The following MYO7B variants were observed in gnomAD, a reference collection of about 807,000 sequenced individuals.
The protein encoded by MYO7B is unconventional myosin-VIIb.
A neutral mutation model predicts 259.7 loss-of-function variants in MYO7B; 212 were observed. That is an observed-to-expected ratio of 0.82 (90% CI 0.73 to 0.91). The LOEUF (loss-of-function observed/expected upper bound fraction) is 0.91. Among genes scored for constraint, MYO7B ranks in the 40% least tolerant of loss-of-function variants. The pLI is 0.00. For missense variants in MYO7B, 2,732 were observed against 2,813.5 expected (o/e 0.97, Z 0.66); for synonymous variants, 1,197 against 1,166.4 (o/e 1.03, Z -0.54).
In MYO7B at chr2:127,628,425, A is replaced by G; in HGVS notation, c.4514A>G (p.Glu1505Gly). The change falls in exon 34 of 48, where the codon GAG becomes GGG. Residue 1505 changes from glutamate (E) to glycine (G), a missense_variant. Physicochemically the swap from Glu to Gly is moderately conservative, Grantham distance 98. Coordinates refer to ENST00000409816, the MANE Select transcript of MYO7B (RefSeq NM_001393586.1). This position sits in a 1 kb window ranked among gnomAD's most constrained non-coding sequence, Gnocchi z 4.8. ...LLLSTMHEEY[E>G]FVSPSSVAIA... is the part of the protein sequence containing the mutation. ...CTCTCCACGATGCATGAGGAGTACG[A>G]GTTTGTGTCACCCAGCAGTGTGGCC... 1.3e-6 allele frequency: 2 copies of G among 1,597,508 alleles called. No homozygotes were observed. Among genetic ancestry groups the G allele is most frequent in the Non-Finnish European group, 1.7e-6 (2 of 1,173,808 alleles).
intron 1 of MYO7B, among the ~76,000 whole-genome samples, chr2:127,548,062 A>G (rs1429634147): frequency 4.6e-5 from 7 of 152,272 alleles, no homozygotes; most frequent in Non-Finnish European, 1.0e-4. Context: ...TTCATTTTTC[A>G]AGGAATTTGT....
chr2:127,568,618 C>T (rs965983210), intron 5 of MYO7B, among the ~76,000 whole-genome samples: 2 of 152,136 alleles, frequency 1.3e-5, no homozygotes, highest in African/African-American at 2.4e-5. Context: ...ATATTTTGGC[C>T]GGGTGCGGTA....
rs773897095 is a variant in MYO7B at position 127,633,294 on chromosome 2, G to A, written c.5442G>A (p.Glu1814=). 1.2e-6 allele frequency: 2 copies of A among 1,612,642 alleles called. No individual in the cohort carries two copies. The highest frequency in any genetic ancestry group is 8.5e-7 in the Non-Finnish European group (1 of 1,179,750). Residue 1814 remains glutamate, a synonymous_variant, in exon 40 of 48, where the codon GAG becomes GAA. Transcript: ENST00000409816. ...GPRKQPPHQV[E]VEAAEQNVSR... ...GGAAGCAGCCCCCGCACCAGGTGGAGGTGGAGGCCGCAGAGCAGAACGTCT... is the reference window on the plus strand; with the variant it reads ...GGAAGCAGCCCCCGCACCAGGTGGAAGTGGAGGCCGCAGAGCAGAACGTCT...
chr2:127,622,134 T>TGGGGTGGTGCAGACCCCC (rs1380289643), intron 28 of MYO7B, 33 bp downstream of exon 28: 1 of 1,538,220 alleles, frequency 6.5e-7, no homozygotes. Flanking sequence ...GCGGGCAGGG[T>TGGGGTGGTGCAGACCCCC]GGGGTGGTGC....
chr2:127,562,405 T>C (rs924487708), intron 2 of MYO7B, among the ~76,000 whole-genome samples: 1 of 151,724 alleles, frequency 6.6e-6, no homozygotes, highest in African/African-American at 2.4e-5. Context: ...CAAGCAATTA[T>C]CCTGCATCAG....
chr2:127,605,971 G>A (rs752835998), intron 20 of MYO7B, 43 bp downstream of exon 20: 1 of 1,509,070 alleles, frequency 6.6e-7, no homozygotes, highest in Non-Finnish European at 9.2e-7. Context: ...GGACCAGCGG[G>A]TAACTGTCCA....
At chr2:127,616,831 C>A (rs1680588426) in intron 26 of MYO7B, among the ~76,000 whole-genome samples, 1 of 152,138 alleles carries the variant, frequency 6.6e-6, no homozygotes, top group Non-Finnish European at 1.5e-5. Flanking sequence ...CAGGGGGGTG[C>A]CATTTTGATG....
chr2:127,631,117 C>G, intron 36 of MYO7B, 89 bp from the exon 37 acceptor site: 1 of 1,462,030 alleles, frequency 6.8e-7, no homozygotes, highest in Non-Finnish European at 9.1e-7. Context: ...TCTGGCCCTC[C>G]CACAGCCACT....
At chr2:127,601,727 G>A (rs923005785) in intron 19 of MYO7B, among the ~76,000 whole-genome samples, 14 of 151,842 alleles carry the variant, frequency 9.2e-5, no homozygotes, top group Non-Finnish European at 2.9e-5. Flanking sequence ...TATGTAATCG[G>A]GTCATGTTTT....
intron 40 of MYO7B, 122 bp downstream of exon 40, chr2:127,633,485 C>T: frequency 1.1e-6 from 1 of 931,900 alleles, no homozygotes; most frequent in Non-Finnish European, 1.6e-6. Flanking sequence ...GCTGTCCCAT[C>T]CTAACCAGTC....
intron 1 of MYO7B, among the ~76,000 whole-genome samples, chr2:127,538,185 T>A (rs1370414621): frequency 2.6e-5 from 4 of 151,932 alleles, no homozygotes; most frequent in Non-Finnish European, 5.9e-5. Flanking sequence ...GTGGAGGAAG[T>A]GGTAGCTGCA....
Position 127,582,288 on chromosome 2 carries a change from C to A in MYO7B, c.1201-16C>A, listed in dbSNP as rs747710716. ...GCCTCCAAGCCCAGGATTCTCCCAC[C>A]CCCGTGTCTCTCCAGGGCATCTATG... On this transcript the variant is annotated splice_polypyrimidine_tract_variant and intron_variant, in intron 11 of 47. Transcript: ENST00000409816. 1.9e-5 allele frequency: 31 copies of A among 1,611,768 alleles called. No homozygotes were observed. Among genetic ancestry groups the A allele is most frequent in the Admixed American group, 1.2e-4 (7 of 59,714 alleles).
intron 1 of MYO7B, among the ~76,000 whole-genome samples, chr2:127,537,416 C>T (rs1692826698): frequency 1.3e-5 from 2 of 152,184 alleles, no homozygotes; most frequent in Admixed American, 1.3e-4. Context: ...CCAATGGCCT[C>T]CATACATTTT....
chr2:127,605,453 GGGCGTGGT>G (rs1680126993), intron 19 of MYO7B, among the ~76,000 whole-genome samples: 1 of 152,140 alleles, frequency 6.6e-6, no homozygotes, highest in Admixed American at 6.5e-5. Flanking sequence ...AAAATTAGCT[GGGCGTGGT>G]GGCAGGCACC....
At chr2:127,557,768 T>A (rs1677892197) in intron 1 of MYO7B, among the ~76,000 whole-genome samples, 2 of 152,020 alleles carry the variant, frequency 1.3e-5, no homozygotes, top group Non-Finnish European at 2.9e-5. Flanking sequence ...CAACAAATGG[T>A]ACTGGGATAA....
At position 127,637,450 on chromosome 2, in the gene MYO7B, T is replaced by G; in HGVS notation, c.*33T>G. ...TGCTGGCGTGTCTGCTCAGGCGCCC[T>G]TCCCGACCTCTAGCCTGGCGGCACC... On this transcript the variant is annotated 3_prime_UTR_variant, in exon 48 of 48. Transcript: ENST00000409816. 1.4e-5 allele frequency: 20 copies of G among 1,428,344 alleles called. No individual in the cohort carries two copies. The highest frequency in any genetic ancestry group is 1.5e-5 in the Non-Finnish European group (16 of 1,070,192). The allele number at this position is 1,428,344 out of a possible 1,614,324, so 88.5% of individuals were successfully genotyped here.
intron 39 of MYO7B, among the ~76,000 whole-genome samples, chr2:127,632,753 A>C (rs1446012806): frequency 6.6e-6 from 1 of 151,716 alleles, no homozygotes; most frequent in African/African-American, 2.4e-5. Context: ...GGCCTCCCTC[A>C]TCCGCCCACA....
At chr2:127,566,551 G>A in intron 4 of MYO7B, 92 bp from the exon 5 acceptor site, 1 of 984,902 alleles carries the variant, frequency 1.0e-6, no homozygotes, top group Non-Finnish European at 1.3e-6. Context: ...TGATAACCCC[G>A]AGGGCAGAGC....
rs1301671387 is a variant in MYO7B at position 127,586,706 on chromosome 2, C to T, written c.1691-1686C>T. Among the ~76,000 whole-genome samples the T allele has an allele frequency of 2.6e-5, 4 of 152,086 alleles. No homozygotes were observed. Among genetic ancestry groups the T allele is most frequent in the Admixed American group, 6.5e-5 (1 of 15,268 alleles). ...ACTTACATAATGCTAAGATTAAGGT[C>T]GATTCTTTCTAGACTTTCTGGTTGC... is the stretch of plus-strand genomic sequence containing the variant. On this transcript the variant is annotated intron_variant, in intron 14 of 47. Coordinates refer to ENST00000409816, the MANE Select transcript of MYO7B (RefSeq NM_001393586.1). This position sits in a 1 kb window ranked among gnomAD's most constrained non-coding sequence, Gnocchi z 4.8.
Sources: gnomAD v4.1 joint callset for allele counts (sites outside exome capture counted in the v4.1 genomes callset) on GRCh38, gnomAD v4.1.1 for gene constraint, Gnocchi (gnomAD v3.1) non-coding constraint, MANE v1.5 for transcripts, NCBI Gene and HGNC (gene_info 2026-07-23, HGNC 2026-07-21) for gene names.